The following AP3B1 variants were observed in gnomAD, a reference collection of about 807,000 sequenced individuals.
The protein encoded by AP3B1 is AP-3 complex subunit beta-1.
A neutral mutation model predicts 132.5 loss-of-function variants in AP3B1; 61 were observed. The observed-to-expected ratio is 0.46, with a 90% CI of 0.37 to 0.57. The LOEUF (loss-of-function observed/expected upper bound fraction) is 0.57, where lower values mean the gene tolerates loss of function less well. Ranked by LOEUF, AP3B1 falls within the 20% of genes least tolerant of loss-of-function variation. The pLI is 0.00. For synonymous variants in AP3B1, 388 were observed against 438.3 expected, an observed-to-expected ratio of 0.89 and a Z score of 1.43; for missense variants, 1,120 against 1,289.4, an observed-to-expected ratio of 0.87 and a Z score of 2.01.
At chr5:78,097,219 C>T (rs1750874084) in intron 21 of AP3B1, among the ~76,000 whole-genome samples, 1 of 126,222 alleles carries the variant, frequency 7.9e-6, no homozygotes, top group African/African-American at 3.1e-5. Context: ...GCCAGCCACC[C>T]CGTCCGGGAG....
chr5:78,061,427 A>T (rs1749050577), intron 22 of AP3B1, among the ~76,000 whole-genome samples: 1 of 152,224 alleles, frequency 6.6e-6, no homozygotes, highest in Admixed American at 6.5e-5. Flanking sequence ...ATTCTTATCA[A>T]GGAATTTGAG....
chr5:78,194,278 A>G (rs1356002458), intron 7 of AP3B1, among the ~76,000 whole-genome samples: 1 of 152,226 alleles, frequency 6.6e-6, no homozygotes, highest in Non-Finnish European at 1.5e-5. Context: ...ACAGATAATA[A>G]AAGACACAAT....
At chr5:78,044,087 T>C (rs1344138527) in intron 22 of AP3B1, 2 of 324,204 alleles carry the variant, frequency 6.2e-6, no homozygotes, top group East Asian at 8.3e-5. Flanking sequence ...AATATCTGCC[T>C]GAAAGGCAAG....
intron 19 of AP3B1, among the ~76,000 whole-genome samples, chr5:78,110,865 G>C (rs1265828985): frequency 6.6e-6 from 1 of 151,178 alleles, no homozygotes; most frequent in African/African-American, 2.4e-5. Context: ...CTCAAGCGAT[G>C]CTCCCATTTC....
chr5:78,276,128 T>G (rs1233494655), intron 1 of AP3B1, among the ~76,000 whole-genome samples: 4 of 151,974 alleles, frequency 2.6e-5, no homozygotes, highest in Admixed American at 2.6e-4. Flanking sequence ...TGCAGTAGTA[T>G]GATCACAGCT....
intron 22 of AP3B1, chr5:78,043,975 C>T (rs1748209018): frequency 9.7e-6 from 3 of 307,790 alleles, no homozygotes; most frequent in East Asian, 1.7e-4. Flanking sequence ...CAGGCTCTTA[C>T]AGGAAATCTT....
At chr5:78,118,943 C>A (rs1752006176) in intron 17 of AP3B1, among the ~76,000 whole-genome samples, 1 of 152,202 alleles carries the variant, frequency 6.6e-6, no homozygotes, top group Non-Finnish European at 1.5e-5. Flanking sequence ...TAGACTGACA[C>A]CTCACACGGC....
chr5:78,014,905 T>C (rs1458920762), intron 26 of AP3B1, among the ~76,000 whole-genome samples: 2 of 152,220 alleles, frequency 1.3e-5, no homozygotes, highest in African/African-American at 4.8e-5. Flanking sequence ...AAAATATTAC[T>C]GGTCTAAGAA....
At chr5:78,236,147 T>C (rs1266868887) in intron 3 of AP3B1, among the ~76,000 whole-genome samples, 1 of 152,214 alleles carries the variant, frequency 6.6e-6, no homozygotes. Context: ...ATTAGGCAGC[T>C]ACCAGAATCT....
At chr5:78,057,252 T>G (rs577216233) in intron 22 of AP3B1, among the ~76,000 whole-genome samples, 33 of 152,316 alleles carry the variant, frequency 2.2e-4, no homozygotes, top group African/African-American at 7.9e-4. Context: ...TCCTCTTCTG[T>G]AGTCTTTATT....
Position 78,128,155 on chromosome 5 carries a change from CTCTA to C in AP3B1, c.1839_1842del (p.Asp613GlufsTer38). On this transcript the variant is annotated frameshift_variant and splice_region_variant, in exon 17 of 27. Transcript: ENST00000255194. LOFTEE classifies it high-confidence loss of function. ...GATAAGGTGCCAAGCTGGAAATGAT[CTCTA>C]TCTATTAAAAATAGGGAAAAATATA... 10 of 1,602,510 alleles carry C rather than the reference CTCTA, an allele frequency of 6.2e-6. No individual in the cohort carries two copies. Among genetic ancestry groups the C allele is most frequent in the Non-Finnish European group, 8.5e-6 (10 of 1,170,102 alleles).
At chr5:78,226,046 T>C (rs1432468873) in intron 5 of AP3B1, among the ~76,000 whole-genome samples, 1 of 152,080 alleles carries the variant, frequency 6.6e-6, no homozygotes, top group Non-Finnish European at 1.5e-5. Flanking sequence ...AGTTCACTGA[T>C]AGAGACATGC....
At chr5:78,202,649 T>C (rs1580480122) in intron 7 of AP3B1, among the ~76,000 whole-genome samples, 1 of 151,380 alleles carries the variant, frequency 6.6e-6, no homozygotes, top group African/African-American at 2.4e-5. Flanking sequence ...TACAACACTA[T>C]AATGAAAAAA....
At chr5:78,202,300 G>A (rs1745324463) in intron 7 of AP3B1, among the ~76,000 whole-genome samples, 1 of 152,020 alleles carries the variant, frequency 6.6e-6, no homozygotes, top group Non-Finnish European at 1.5e-5. Flanking sequence ...CATGAAAATG[G>A]ACTAATACAC....
intron 2 of AP3B1, among the ~76,000 whole-genome samples, chr5:78,265,443 T>TA (rs926922973): frequency 6.6e-5 from 10 of 151,502 alleles, no homozygotes; most frequent in South Asian, 2.1e-4. Context: ...ACCCTGTCTC[T>TA]AAAAAAACAA....
chr5:78,117,263 G>C (rs1751891956), intron 17 of AP3B1, among the ~76,000 whole-genome samples: 1 of 149,234 alleles, frequency 6.7e-6, no homozygotes, highest in Non-Finnish European at 1.5e-5. Flanking sequence ...GTCTATCCCT[G>C]GTAGAATGTA....
At chr5:78,176,345 A>G (rs1414606043) in intron 9 of AP3B1, among the ~76,000 whole-genome samples, 1 of 117,890 alleles carries the variant, frequency 8.5e-6, no homozygotes, top group Non-Finnish European at 1.6e-5. Flanking sequence ...AGCCATAGGA[A>G]AAAAAAAAAA....
intron 22 of AP3B1, among the ~76,000 whole-genome samples, chr5:78,078,252 G>A (rs1749841215): frequency 6.6e-6 from 1 of 151,960 alleles, no homozygotes; most frequent in African/African-American, 2.4e-5. Context: ...GGTTAACTGG[G>A]TACCACTATC....
chr5:78,035,366 A>G (rs756031591), intron 23 of AP3B1, among the ~76,000 whole-genome samples: 30 of 152,030 alleles, frequency 2.0e-4, no homozygotes, highest in Admixed American at 7.9e-4. Context: ...CAATCACTTT[A>G]TATTTAGCTT....
Sources: gnomAD v4.1 joint callset for allele counts (sites outside exome capture counted in the v4.1 genomes callset) on GRCh38, gnomAD v4.1.1 for gene constraint, MANE v1.5 for transcripts, NCBI Gene and HGNC (gene_info 2026-07-23, HGNC 2026-07-21) for gene names.